Variants in KCNQ1OT1 observed in about 807,000 individuals in gnomAD.
KCNQ1OT1 encodes KCNQ1 antisense RNA 2 (non-protein coding).
rs1590033569 is a variant in KCNQ1OT1, at chr11:2,688,459, A to G, written n.11536T>C. On this transcript the variant is annotated non_coding_transcript_exon_variant, in exon 1 of 1. Transcript: ENST00000597346. ...GCCTGTGCCATCACTATTTCACAGG[A>G]GAACACCACACTGAGGCTCTGCCTC... is the stretch of plus-strand genomic sequence containing the variant. 4 of 398,736 alleles carry G rather than the reference A, an allele frequency of 1.0e-5. No homozygotes were observed. The East Asian group carries it at 1.4e-4, about 14-fold the overall frequency. The allele number at this position is 398,736 out of a possible 1,614,324, so 24.7% of individuals were successfully genotyped here.
At chr11:2,643,565 T>C (rs1849613443) in exon 1 of KCNQ1OT1, 1 of 398,546 alleles carries the variant, frequency 2.5e-6, no homozygotes, top group Non-Finnish European at 4.4e-6. Context: ...GCGTTTCTTG[T>C]AGATAGCATT....
chr11:2,673,801 G>A lies in KCNQ1OT1; in HGVS notation n.26194C>T, dbSNP rs1485619568. ...AAGCTCTGGTGCAAAGGGCAGTGATGGCCCTTCAATCCCAGGCCCACAAGC... is the reference window on the plus strand; with the variant it reads ...AAGCTCTGGTGCAAAGGGCAGTGATAGCCCTTCAATCCCAGGCCCACAAGC... On this transcript the variant is annotated non_coding_transcript_exon_variant, in exon 1 of 1. Transcript: ENST00000597346. This position sits in a 1 kb window ranked among gnomAD's most constrained non-coding sequence, Gnocchi z 4.5. The A allele has an allele frequency of 7.5e-6, 3 of 398,592 alleles. No individual in the cohort carries two copies. Among genetic ancestry groups the A allele is most frequent in the African/African-American group, 6.2e-5 (3 of 48,614 alleles). 24.7% of individuals were successfully genotyped at this position (398,592 alleles called of 1,614,324 possible).
At position 2,668,301 on chromosome 11, in the gene KCNQ1OT1, C is replaced by T. The variant is rs1227739969; in HGVS notation, n.31694G>A. On this transcript the variant is annotated non_coding_transcript_exon_variant, in exon 1 of 1. Coordinates refer to ENST00000597346, the Ensembl canonical transcript of KCNQ1OT1. The surrounding 1 kb of genome is among the most constrained non-coding windows in gnomAD (Gnocchi z 4.3). Reference sequence around the variant, plus strand: ...CATGCTTTTGGTGAGCATCAGGTTGCGTTTCTGGGGAATATATGCCTATGT... The same window carrying T: ...CATGCTTTTGGTGAGCATCAGGTTGTGTTTCTGGGGAATATATGCCTATGT... 1.8e-5 allele frequency: 7 copies of T among 398,456 alleles called. No individual in the cohort carries two copies. The highest frequency in any genetic ancestry group is 3.6e-5 in the East Asian group (1 of 28,088). The allele number at this position is 398,456 out of a possible 1,614,324, so 24.7% of individuals were successfully genotyped here. A position where few individuals can be genotyped will look rare whatever the true frequency, so the allele number is the denominator to read the frequency against.
chr11:2,690,172 G>C lies in KCNQ1OT1; in HGVS notation n.9823C>G. 1 of 398,824 alleles carries C rather than the reference G, an allele frequency of 2.5e-6. No homozygotes were observed. The highest frequency in any genetic ancestry group is 4.4e-6 in the Non-Finnish European group (1 of 226,216). The allele number at this position is 398,824 out of a possible 1,614,324, so 24.7% of individuals were successfully genotyped here. A position where few individuals can be genotyped will look rare whatever the true frequency, so the allele number is the denominator to read the frequency against. ...TCCCCAGCATGACAGGATGTGGAAG[G>C]CTGGTCTCTCCAGAGACTGGGCTAA... On this transcript the variant is annotated non_coding_transcript_exon_variant, in exon 1 of 1. Coordinates refer to ENST00000597346, the Ensembl canonical transcript of KCNQ1OT1. The surrounding 1 kb of genome is among the most constrained non-coding windows in gnomAD (Gnocchi z 5.1).
Position 2,612,869 on chromosome 11 carries a change from T to C in KCNQ1OT1, n.87126A>G, listed in dbSNP as rs1849003321. 2.5e-6 allele frequency: 1 copy of C among 398,604 alleles called. No individual in the cohort carries two copies. The highest frequency in any genetic ancestry group is 4.4e-6 in the Non-Finnish European group (1 of 226,068). 24.7% of individuals were successfully genotyped at this position (398,604 alleles called of 1,614,324 possible). On this transcript the variant is annotated non_coding_transcript_exon_variant, in exon 1 of 1. Transcript: ENST00000597346. This position sits in a 1 kb window ranked among gnomAD's most constrained non-coding sequence, Gnocchi z 5.5. Reference sequence around the variant, plus strand: ...TAGAAACTCTGGATTCTAGTTCTTCTCCCTAACCAGGGATGATTTCTGTTA... The same window carrying C: ...TAGAAACTCTGGATTCTAGTTCTTCCCCCTAACCAGGGATGATTTCTGTTA...
At chr11:2,646,424 T>C (rs1346637530) in exon 1 of KCNQ1OT1, 3 of 398,534 alleles carry the variant, frequency 7.5e-6, no homozygotes, top group African/African-American at 6.2e-5. Flanking sequence ...TTCACCTCCT[T>C]GGTTAAGCTT....
At position 2,620,246 on chromosome 11, in the gene KCNQ1OT1, C is replaced by T. The variant is rs1052742458; in HGVS notation, n.79749G>A. The T allele has an allele frequency of 5.6e-5, 13 of 232,456 alleles. No individual in the cohort carries two copies. The highest frequency in any genetic ancestry group is 1.0e-4 in the Non-Finnish European group (13 of 126,272). The allele number at this position is 232,456 out of a possible 1,614,324, so 14.4% of individuals were successfully genotyped here. A position where few individuals can be genotyped will look rare whatever the true frequency, so the allele number is the denominator to read the frequency against. On this transcript the variant is annotated non_coding_transcript_exon_variant, in exon 1 of 1. Coordinates refer to ENST00000597346, the Ensembl canonical transcript of KCNQ1OT1. The surrounding 1 kb of genome is among the most constrained non-coding windows in gnomAD (Gnocchi z 4.5). The stretch of plus-strand genomic sequence containing the variant: ...TTTATTTTTTTTTTAGACGGAGTTT[C>T]GCTCTTGTTGCCCAGGCTGGAGGGC...
At chr11:2,655,463 G>A (rs887260046) in exon 1 of KCNQ1OT1, 15 of 398,564 alleles carry the variant, frequency 3.8e-5, no homozygotes, top group African/African-American at 6.2e-5. Context: ...ACCTGGCATT[G>A]CTCCGGTACC....
chr11:2,648,096 C>G, exon 1 of KCNQ1OT1: 1 of 392,038 alleles, frequency 2.6e-6, no homozygotes, highest in African/African-American at 2.1e-5. Flanking sequence ...TGCACATCTA[C>G]TCAGAAGCTG....
In KCNQ1OT1 at chr11:2,683,923, C is replaced by T. The variant is rs951722098; in HGVS notation, n.16072G>A. ...GGCCAAAGGTGCATGCTCTGTGACA[C>T]GTTTCATAGTCAGACAAAACCAGCT... On this transcript the variant is annotated non_coding_transcript_exon_variant, in exon 1 of 1. Transcript: ENST00000597346. The surrounding 1 kb of genome is among the most constrained non-coding windows in gnomAD (Gnocchi z 4.7). 3 of 398,274 alleles carry T rather than the reference C, an allele frequency of 7.5e-6. No individual in the cohort carries two copies. The highest frequency in any genetic ancestry group is 4.1e-5 in the African/African-American group (2 of 48,538). The allele number at this position is 398,274 out of a possible 1,614,324, so 24.7% of individuals were successfully genotyped here. A position where few individuals can be genotyped will look rare whatever the true frequency, so the allele number is the denominator to read the frequency against.
chr11:2,666,246 G>A, exon 1 of KCNQ1OT1: 2 of 398,654 alleles, frequency 5.0e-6, no homozygotes, highest in Non-Finnish European at 8.8e-6. Context: ...GATGGGCATG[G>A]GGGAGGACCA....
At chr11:2,680,332 A>AAG (rs1850373877) in exon 1 of KCNQ1OT1, 1 of 397,950 alleles carries the variant, frequency 2.5e-6, no homozygotes, top group African/African-American at 2.1e-5. Flanking sequence ...CTCAAAAAAA[A>AAG]AGTCTTTCCA....
chr11:2,653,599 C>T lies in KCNQ1OT1; in HGVS notation n.46396G>A. ...TTCTCCCTTTCCCTTGCTCTCTATC[C>T]ATTGGCCCCATGGGATGGCTGTATC... On this transcript the variant is annotated non_coding_transcript_exon_variant, in exon 1 of 1. Coordinates refer to ENST00000597346, the Ensembl canonical transcript of KCNQ1OT1. This position sits in a 1 kb window ranked among gnomAD's most constrained non-coding sequence, Gnocchi z 5.3. The T allele has an allele frequency of 2.5e-6, 1 of 398,668 alleles. No individual in the cohort carries two copies. The highest frequency in any genetic ancestry group is 4.4e-5 in the Admixed American group (1 of 22,722). The allele number at this position is 398,668 out of a possible 1,614,324, so 24.7% of individuals were successfully genotyped here.
chr11:2,624,222 G>C lies in KCNQ1OT1; in HGVS notation n.75773C>G. ...AGTTGCCATCTGTATATCTTCATTG[G>C]TGAGATGTCTGTTAAGGTCTTCAGT... On this transcript the variant is annotated non_coding_transcript_exon_variant, in exon 1 of 1. Transcript: ENST00000597346. The surrounding 1 kb of genome is among the most constrained non-coding windows in gnomAD (Gnocchi z 4.9). 2.5e-6 allele frequency: 1 copy of C among 398,508 alleles called. No homozygotes were observed. Among genetic ancestry groups the C allele is most frequent in the Non-Finnish European group, 4.4e-6 (1 of 226,050 alleles). The allele number at this position is 398,508 out of a possible 1,614,324, so 24.7% of individuals were successfully genotyped here.
exon 1 of KCNQ1OT1, chr11:2,665,949 C>T (rs1850059263): frequency 5.0e-6 from 2 of 398,456 alleles, no homozygotes; most frequent in Non-Finnish European, 8.8e-6. Flanking sequence ...TTGTGAAATC[C>T]TCCCTCACAC....
At chr11:2,697,059 C>T (rs1442801075) in exon 1 of KCNQ1OT1, 2 of 398,312 alleles carry the variant, frequency 5.0e-6, no homozygotes, top group East Asian at 3.6e-5. Flanking sequence ...AGGTCAAAAA[C>T]ATTTTCATAA....
chr11:2,690,617 G>A lies in KCNQ1OT1; in HGVS notation n.9378C>T. On this transcript the variant is annotated non_coding_transcript_exon_variant, in exon 1 of 1. Coordinates refer to ENST00000597346, the Ensembl canonical transcript of KCNQ1OT1. This position sits in a 1 kb window ranked among gnomAD's most constrained non-coding sequence, Gnocchi z 5.1. ...GGGAGTGGGGCACACATATGTGCAT[G>A]TTCATATATGTGTCAGAATGCGTAT... 2.5e-6 allele frequency: 1 copy of A among 398,696 alleles called. No homozygotes were observed. Among genetic ancestry groups the A allele is most frequent in the Non-Finnish European group, 4.4e-6 (1 of 226,086 alleles). 24.7% of individuals were successfully genotyped at this position (398,696 alleles called of 1,614,324 possible).
At chr11:2,633,883 A>G in exon 1 of KCNQ1OT1, 1 of 398,612 alleles carries the variant, frequency 2.5e-6, no homozygotes. Context: ...AGTCATCTGT[A>G]TACATAGTTT....
chr11:2,613,015 T>G lies in KCNQ1OT1; in HGVS notation n.86980A>C, dbSNP rs369352207. The G allele has an allele frequency of 6.0e-5, 24 of 398,638 alleles. 1 individual carries two copies. The highest frequency in any genetic ancestry group is 1.6e-4 in the African/African-American group (8 of 48,750). The allele number at this position is 398,638 out of a possible 1,614,324, so 24.7% of individuals were successfully genotyped here. A position where few individuals can be genotyped will look rare whatever the true frequency, so the allele number is the denominator to read the frequency against. ...TCAGTTTTGTTTGTTTTAATTCTTA[T>G]GTTTGTTTTGTAAGCCTGGCTTCAT... On this transcript the variant is annotated non_coding_transcript_exon_variant, in exon 1 of 1. Coordinates refer to ENST00000597346, the Ensembl canonical transcript of KCNQ1OT1. The surrounding 1 kb of genome is among the most constrained non-coding windows in gnomAD (Gnocchi z 4.8).
Sources: allele counts gnomAD v4.1 joint callset, GRCh38; gene constraint gnomAD v4.1.1; non-coding constraint Gnocchi (gnomAD v3.1); transcripts MANE v1.5; gene names NCBI Gene and HGNC (gene_info 2026-07-23, HGNC 2026-07-21).